PDE1A: variants seen among roughly 807,000 people sequenced by gnomAD.
PDE1A encodes the protein phosphodiesterase 1A, also known as dual specificity calcium/calmodulin-dependent 3',5'-cyclic nucleotide phosphodiesterase 1A.
A neutral mutation model predicts 61.7 loss-of-function variants in PDE1A; 35 were observed. The observed-to-expected ratio is 0.57, with a 90% CI of 0.43 to 0.75. PDE1A has a LOEUF of 0.75. Among genes scored for constraint, PDE1A ranks in the 30% least tolerant of loss-of-function variants. The pLI, the probability that PDE1A is intolerant of heterozygous loss-of-function variation, is 0.00. For synonymous variants in PDE1A, 232 were observed against 213.2 expected (o/e 1.09, Z -0.77); for missense variants, 597 against 630.6 (o/e 0.95, Z 0.57).
At chr2:182,211,486 T>C (rs1428484966) in intron 7 of PDE1A, among the ~76,000 whole-genome samples, 1 of 152,216 alleles carries the variant, frequency 6.6e-6, no homozygotes, top group Admixed American at 6.5e-5. Flanking sequence ...TTTAAAACTG[T>C]GTTAGCTATT....
chr2:182,488,992 TA>T (rs1455611166), intron 2 of PDE1A, among the ~76,000 whole-genome samples: 8 of 152,174 alleles, frequency 5.3e-5, no homozygotes, highest in Non-Finnish European at 1.2e-4. Context: ...AAATAAATAG[TA>T]TGTCAGAAGG....
the PDE1A span, among the ~76,000 whole-genome samples, chr2:182,565,050 A>G: frequency 5.3e-5 from 8 of 151,854 alleles, no homozygotes; most frequent in East Asian, 1.9e-4. Flanking sequence ...TCTTCTCTCA[A>G]CTCGTCAAAG....
chr2:182,396,638 A>G (rs1246931692), intron 1 of PDE1A, among the ~76,000 whole-genome samples: 2 of 152,220 alleles, frequency 1.3e-5, no homozygotes, highest in East Asian at 1.9e-4. Context: ...ATCAAGTAAC[A>G]TAAGATTTAT....
intron 2 of PDE1A, among the ~76,000 whole-genome samples, chr2:182,511,747 C>T (rs1391940339): frequency 1.3e-5 from 2 of 152,162 alleles, no homozygotes; most frequent in African/African-American, 4.8e-5. Context: ...CAGCCTCTCC[C>T]CAGAGTCCTT....
chr2:182,640,913 G>T, the PDE1A span, among the ~76,000 whole-genome samples: 2 of 151,274 alleles, frequency 1.3e-5, no homozygotes, highest in South Asian at 2.1e-4. Flanking sequence ...CCAGCCACCT[G>T]GGAGGCTGAG....
At chr2:182,444,959 C>T (rs1255232060) in intron 2 of PDE1A, among the ~76,000 whole-genome samples, 1 of 152,086 alleles carries the variant, frequency 6.6e-6, no homozygotes, top group East Asian at 1.9e-4. Context: ...ACAAGTTAAA[C>T]TTGGCATACT....
At chr2:182,634,741 C>T in the PDE1A span, among the ~76,000 whole-genome samples, 2 of 151,702 alleles carry the variant, frequency 1.3e-5, no homozygotes, top group African/African-American at 4.8e-5. Context: ...TACAAGAGGA[C>T]TTGATGAAAT....
At chr2:182,710,868 C>G in the PDE1A span, among the ~76,000 whole-genome samples, 1 of 152,192 alleles carries the variant, frequency 6.6e-6, no homozygotes, top group Non-Finnish European at 1.5e-5. Context: ...TATGCTAACT[C>G]TACCCTAGTC....
the PDE1A span, among the ~76,000 whole-genome samples, chr2:182,689,895 T>C: frequency 9.3e-4 from 141 of 152,266 alleles, no homozygotes; most frequent in Non-Finnish European, 1.6e-3. Flanking sequence ...GAGAATACTA[T>C]AAACACCTCT....
the PDE1A span, among the ~76,000 whole-genome samples, chr2:182,639,675 A>G: frequency 4.6e-5 from 7 of 152,236 alleles, no homozygotes; most frequent in Middle Eastern, 6.8e-3. Flanking sequence ...TAGGCCAAAA[A>G]GAAGAGTAAG....
rs748608293 is a variant in PDE1A at position 182,305,072 on chromosome 2, C to T, written c.54-40658G>A. ...TCAGTAGGATTGAGTTTCAGTTGTC[C>T]ACCAAGAAAACACATGAATTAATAA... On this transcript the variant is annotated intron_variant, in intron 1 of 13. Transcript: ENST00000351439. Among the ~76,000 whole-genome samples the T allele has an allele frequency of 5.1e-4, 78 of 152,116 alleles. 1 individual carries two copies. The highest frequency in any genetic ancestry group is 6.8e-3 in the Middle Eastern group (2 of 294).
the PDE1A span, among the ~76,000 whole-genome samples, chr2:182,552,114 A>T: frequency 6.6e-6 from 1 of 152,196 alleles, no homozygotes; most frequent in Non-Finnish European, 1.5e-5. Flanking sequence ...TATTTGTTTT[A>T]CTATTTCATT....
intron 1 of PDE1A, among the ~76,000 whole-genome samples, chr2:182,279,738 T>G (rs1431416433): frequency 6.6e-6 from 1 of 151,922 alleles, no homozygotes; most frequent in African/African-American, 2.4e-5. Flanking sequence ...ATATATTTAA[T>G]TTCTCTTTCT....
At chr2:182,208,116 G>C (rs1388322638) in intron 7 of PDE1A, among the ~76,000 whole-genome samples, 1 of 152,200 alleles carries the variant, frequency 6.6e-6, no homozygotes, top group Non-Finnish European at 1.5e-5. Flanking sequence ...TGTGGGGTTA[G>C]AGTCCCCATA....
chr2:182,171,834 T>G (rs1349094861), intron 13 of PDE1A, among the ~76,000 whole-genome samples: 1 of 151,560 alleles, frequency 6.6e-6, no homozygotes, highest in Non-Finnish European at 1.5e-5. Context: ...CTTAGCTTAC[T>G]CTGCCCCATC....
chr2:182,601,282 AGGT>A, the PDE1A span, among the ~76,000 whole-genome samples: 1 of 152,236 alleles, frequency 6.6e-6, no homozygotes, highest in African/African-American at 2.4e-5. Flanking sequence ...GTGCTGACAC[AGGT>A]GCCAGCTCTC....
intron 1 of PDE1A, among the ~76,000 whole-genome samples, chr2:182,319,258 T>G (rs761056270): frequency 4.6e-5 from 7 of 152,162 alleles, no homozygotes; most frequent in Non-Finnish European, 1.0e-4. Context: ...AACCTAAACA[T>G]GTTCTGTCAG....
exon 13 of PDE1A, chr2:182,186,043 T>C: frequency 2.5e-6 from 4 of 1,614,052 alleles, no homozygotes; most frequent in Non-Finnish European, 3.4e-6. Context: ...ATCGTCTTAG[T>C]GCATCAGCAA....
the PDE1A span, among the ~76,000 whole-genome samples, chr2:182,684,465 C>A: frequency 5.9e-5 from 9 of 152,274 alleles, no homozygotes; most frequent in Non-Finnish European, 1.2e-4. Flanking sequence ...GACTACAAAT[C>A]CAAACTGCAA....
Sources: gnomAD v4.1 joint callset for allele counts (sites outside exome capture counted in the v4.1 genomes callset) on GRCh38, gnomAD v4.1.1 for gene constraint, MANE v1.5 for transcripts, NCBI Gene and HGNC (gene_info 2026-07-23, HGNC 2026-07-21) for gene names.